The following XXYLT1 variants were observed in gnomAD, a reference collection of about 807,000 sequenced individuals.
XXYLT1 encodes xyloside xylosyltransferase 1, also known as UDP-xylose:alpha-xyloside alpha-1,3-xylosyltransferase.
In XXYLT1, 20 loss-of-function variants were observed where a neutral mutation model predicts 28.9. The ratio of observed to expected loss-of-function variants is 0.69; its 90% CI spans 0.49 to 1.00. XXYLT1 has a LOEUF of 1.00. XXYLT1 is among the 50% of genes least tolerant of loss of function. The probability of loss-of-function intolerance (pLI) is 0.00; values close to 1 mark genes in which losing one functional copy is unlikely to be tolerated. For missense variants in XXYLT1, 542 were observed against 560.1 expected, an observed-to-expected ratio of 0.97 and a Z score of 0.33; for synonymous variants, 257 against 253.8, an observed-to-expected ratio of 1.01 and a Z score of -0.12.
At chr3:195,237,542 C>A (rs7626520) in intron 1 of XXYLT1, among the ~76,000 whole-genome samples, 4 of 151,694 alleles carry the variant, frequency 2.6e-5, no homozygotes, top group Admixed American at 2.0e-4. Context: ...TTAGTGCCCA[C>A]GAAGGTGCTT....
rs1197989677 is a variant in XXYLT1, at chr3:195,076,958, T to G, written c.786-6847A>C. Among the ~76,000 whole-genome samples the G allele has an allele frequency of 6.6e-6, 1 of 152,122 alleles. No homozygotes were observed. The highest frequency in any genetic ancestry group is 1.9e-4 in the East Asian group (1 of 5,180). On this transcript the variant is annotated intron_variant, in intron 3 of 3. Transcript: ENST00000310380. This position sits in a 1 kb window ranked among gnomAD's most constrained non-coding sequence, Gnocchi z 5.3. ...CACTCAGAAGTGCTGGGGGCTAGGATTTCTGCAGAGGAATTCTGAGGGACA... is the reference window on the plus strand; with the variant it reads ...CACTCAGAAGTGCTGGGGGCTAGGAGTTCTGCAGAGGAATTCTGAGGGACA...
intron 3 of XXYLT1, among the ~76,000 whole-genome samples, chr3:195,108,420 A>G (rs1717267310): frequency 6.6e-6 from 1 of 152,222 alleles, no homozygotes; most frequent in Non-Finnish European, 1.5e-5. Flanking sequence ...TAGAAAATTG[A>G]TTTCCTGTCT....
At chr3:195,082,332 G>A (rs865957060) in intron 3 of XXYLT1, among the ~76,000 whole-genome samples, 9 of 152,128 alleles carry the variant, frequency 5.9e-5, no homozygotes, top group Non-Finnish European at 8.8e-5. Flanking sequence ...TTGCCTCCCC[G>A]TCAGCCCCCC....
intron 2 of XXYLT1, among the ~76,000 whole-genome samples, chr3:195,166,957 G>A (rs1303122045): frequency 2.0e-5 from 3 of 152,254 alleles, no homozygotes; most frequent in Non-Finnish European, 2.9e-5. Context: ...GATTACAGGC[G>A]TGAGCCACCG....
In XXYLT1 at chr3:195,271,115, C is replaced by A. The variant is rs1256695352; in HGVS notation, c.-57G>T. ...GCAACGCGGGAGAGCCCTCGGGTACCCGGACGCCGGCGGCCACTTAGCCCC... is the reference window on the plus strand; with the variant it reads ...GCAACGCGGGAGAGCCCTCGGGTACACGGACGCCGGCGGCCACTTAGCCCC... On this transcript the variant is annotated 5_prime_UTR_variant, in exon 1 of 4. Coordinates refer to ENST00000310380, the MANE Select transcript of XXYLT1 (RefSeq NM_152531.5). The A allele has an allele frequency of 1.6e-5, 20 of 1,277,810 alleles. No individual in the cohort carries two copies. Among genetic ancestry groups the A allele is most frequent in the Non-Finnish European group, 1.9e-5 (19 of 1,014,632 alleles). 79.2% of individuals were successfully genotyped at this position (1,277,810 alleles called of 1,614,324 possible). A position where few individuals can be genotyped will look rare whatever the true frequency, so the allele number is the denominator to read the frequency against.
intron 3 of XXYLT1, among the ~76,000 whole-genome samples, chr3:195,128,493 A>C (rs1295583186): frequency 6.6e-6 from 1 of 152,082 alleles, no homozygotes; most frequent in Non-Finnish European, 1.5e-5. Context: ...ATAAAGCACA[A>C]ATGCCTTTGC....
intron 3 of XXYLT1, among the ~76,000 whole-genome samples, chr3:195,155,950 G>A (rs1366728731): frequency 6.6e-6 from 1 of 152,188 alleles, no homozygotes; most frequent in Admixed American, 6.5e-5. Flanking sequence ...CATGACACAG[G>A]CTTGACAATC....
At chr3:195,119,190 A>G (rs1345754013) in intron 3 of XXYLT1, among the ~76,000 whole-genome samples, 1 of 151,094 alleles carries the variant, frequency 6.6e-6, no homozygotes, top group East Asian at 2.0e-4. Context: ...AGGCTAGGGC[A>G]GGAGAATCAC....
chr3:195,082,579 A>G (rs906612928), intron 3 of XXYLT1, among the ~76,000 whole-genome samples: 1 of 152,220 alleles, frequency 6.6e-6, no homozygotes, highest in Admixed American at 6.5e-5. Context: ...TCGGCTGGGC[A>G]CGGTGGCTCA....
At position 195,248,378 on chromosome 3, in the gene XXYLT1, G is replaced by A. The variant is rs183438155; in HGVS notation, c.505-21522C>T. Among the ~76,000 whole-genome samples the A allele has an allele frequency of 3.4e-3, 513 of 152,278 alleles. 3 individuals are homozygous for A. The highest frequency in any genetic ancestry group is 4.4e-3 in the South Asian group (21 of 4,826). ...TGGGCGGGAGGTAACTGAATCGTGCGGGCAGGTCTTTCCCGTGCAGTTCCT... is the reference window on the plus strand; with the variant it reads ...TGGGCGGGAGGTAACTGAATCGTGCAGGCAGGTCTTTCCCGTGCAGTTCCT... On this transcript the variant is annotated intron_variant, in intron 1 of 3. Coordinates refer to ENST00000310380, the MANE Select transcript of XXYLT1 (RefSeq NM_152531.5).
At chr3:195,214,623 T>G (rs542207091) in intron 2 of XXYLT1, among the ~76,000 whole-genome samples, 1 of 152,262 alleles carries the variant, frequency 6.6e-6, no homozygotes, top group South Asian at 2.1e-4. Flanking sequence ...TGCTTTCTCC[T>G]GGTACTGAGG....
Position 195,240,628 on chromosome 3 carries a change from A to G in XXYLT1, c.505-13772T>C, listed in dbSNP as rs1724734777. On this transcript the variant is annotated intron_variant, in intron 1 of 3. Transcript: ENST00000310380. This position sits in a 1 kb window ranked among gnomAD's most constrained non-coding sequence, Gnocchi z 4.7. ...AGAACAGCCACTCCTCTGGCCACAGACAGCAACGCCACAGGTCGGCCGGAG... is the reference window on the plus strand; with the variant it reads ...AGAACAGCCACTCCTCTGGCCACAGGCAGCAACGCCACAGGTCGGCCGGAG... Among the ~76,000 whole-genome samples, 1 of 152,270 alleles carries G rather than the reference A, an allele frequency of 6.6e-6. No homozygotes were observed. Among genetic ancestry groups the G allele is most frequent in the Non-Finnish European group, 1.5e-5 (1 of 68,044 alleles).
intron 3 of XXYLT1, among the ~76,000 whole-genome samples, chr3:195,154,332 C>T (rs1441449225): frequency 2.0e-5 from 3 of 152,092 alleles, no homozygotes; most frequent in Non-Finnish European, 2.9e-5. Context: ...GGAGGCAAAA[C>T]GGTGGCACTA....
Position 195,077,241 on chromosome 3 carries a change from G to A in XXYLT1, c.786-7130C>T, listed in dbSNP as rs1715174313. Among the ~76,000 whole-genome samples the A allele has an allele frequency of 1.3e-5, 2 of 152,120 alleles. No individual in the cohort carries two copies. Among genetic ancestry groups the A allele is most frequent in the Admixed American group, 6.5e-5 (1 of 15,278 alleles). Reference sequence around the variant, plus strand: ...CAGAGGGATGGGAGATGATGTAGGGGGCGGCACGGGGACCCCAGCAGAGAG... The same window carrying A: ...CAGAGGGATGGGAGATGATGTAGGGAGCGGCACGGGGACCCCAGCAGAGAG... On this transcript the variant is annotated intron_variant, in intron 3 of 3. Transcript: ENST00000310380. This position sits in a 1 kb window ranked among gnomAD's most constrained non-coding sequence, Gnocchi z 4.8.
intron 3 of XXYLT1, among the ~76,000 whole-genome samples, chr3:195,113,605 T>C (rs548424976): frequency 2.0e-5 from 3 of 152,310 alleles, no homozygotes; most frequent in South Asian, 2.1e-4. Flanking sequence ...TTTTTCTCTT[T>C]AATCAGTTTT....
chr3:195,221,906 G>A (rs1205552442), intron 2 of XXYLT1, among the ~76,000 whole-genome samples: 2 of 152,264 alleles, frequency 1.3e-5, no homozygotes. Context: ...CCAGCCGCAT[G>A]TGAATCCCCA....
intron 2 of XXYLT1, among the ~76,000 whole-genome samples, chr3:195,160,922 C>A (rs1286530723): frequency 6.6e-6 from 1 of 152,222 alleles, no homozygotes; most frequent in African/African-American, 2.4e-5. Flanking sequence ...TCTGTCAAAG[C>A]GCTCTTCTCC....
intron 3 of XXYLT1, among the ~76,000 whole-genome samples, chr3:195,123,623 T>C (rs921919954): frequency 6.6e-6 from 1 of 152,238 alleles, no homozygotes; most frequent in Non-Finnish European, 1.5e-5. Context: ...CCCTGACAGA[T>C]GCTTTCGCCA....
chr3:195,072,649 G>A (rs1438068196), intron 3 of XXYLT1, among the ~76,000 whole-genome samples: 1 of 152,152 alleles, frequency 6.6e-6, no homozygotes, highest in African/African-American at 2.4e-5. Context: ...AAGGAAAGGA[G>A]GGACAGGAAA....
Sources: gnomAD v4.1 joint callset for allele counts (sites outside exome capture counted in the v4.1 genomes callset) on GRCh38, gnomAD v4.1.1 for gene constraint, Gnocchi (gnomAD v3.1) non-coding constraint, MANE v1.5 for transcripts, NCBI Gene and HGNC (gene_info 2026-07-23, HGNC 2026-07-21) for gene names.